Variants in RERE observed in about 807,000 individuals in gnomAD.
RERE encodes arginine-glutamic acid dipeptide repeats.
RERE carries 40 observed loss-of-function variants against 146.1 expected under a neutral mutation model. The ratio of observed to expected loss-of-function variants is 0.27; its 90% CI spans 0.21 to 0.36. The LOEUF is 0.36. Among genes scored for constraint, RERE ranks in the 10% least tolerant of loss-of-function variants. The pLI, the probability that RERE is intolerant of heterozygous loss-of-function variation, is 1.00. For missense variants in RERE, 1,933 were observed against 2,138.7 expected, an observed-to-expected ratio of 0.90 and a Z score of 1.90; for synonymous variants, 1,003 against 866.0, an observed-to-expected ratio of 1.16 and a Z score of -2.78.
chr1:8,382,509 TTGAC>T (rs1465810528), intron 12 of RERE, among the ~76,000 whole-genome samples: 5 of 152,222 alleles, frequency 3.3e-5, no homozygotes, highest in Non-Finnish European at 7.3e-5. Context: ...TGAACAAACA[TTGAC>T]TGTCTAGCCT....
intron 1 of RERE, among the ~76,000 whole-genome samples, chr1:8,712,640 ACG>A (rs1639691274): frequency 6.6e-6 from 1 of 152,166 alleles, no homozygotes; most frequent in South Asian, 2.1e-4. Context: ...ACAAACAGAG[ACG>A]CATTAAAAGC....
At chr1:8,636,389 C>T (rs1244625859) in intron 2 of RERE, among the ~76,000 whole-genome samples, 1 of 152,062 alleles carries the variant, frequency 6.6e-6, no homozygotes, top group Non-Finnish European at 1.5e-5. Flanking sequence ...ATTAAGAAGG[C>T]TGGGCATGGT....
chr1:8,507,572 C>G lies in RERE; in HGVS notation c.879+1055G>C, dbSNP rs184522490. ...TACATGCGCACACCACCATGACCAG[C>G]TAATTTTTCTATTTTTAGTAGGGAT... On this transcript the variant is annotated intron_variant, in intron 8 of 22. Coordinates refer to ENST00000400908, the MANE Select transcript of RERE (RefSeq NM_001042681.2). Among the ~76,000 whole-genome samples the G allele has an allele frequency of 2.0e-4, 31 of 151,864 alleles. 1 individual carries two copies. In the East Asian group the frequency reaches 5.8e-3, roughly 29 times the overall value.
rs749182064 is a variant in RERE at position 8,364,255 on chromosome 1, G to A, written c.1541C>T (p.Thr514Ile). The change falls in exon 15 of 23, where the codon ACC (threonine) becomes ATC (isoleucine). Residue 514 changes from threonine to isoleucine, a missense_variant and splice_region_variant. By Grantham distance (89) the Thr-to-Ile change is moderately conservative. Coordinates refer to ENST00000400908, the MANE Select transcript of RERE (RefSeq NM_001042681.2). The surrounding 1 kb of genome is among the most constrained non-coding windows in gnomAD (Gnocchi z 5.1). The part of the protein sequence containing the change: ...GYACRHCFTT[T>I]SKDWHHGGRE... ...GCCTCCGTGGTGCCAATCTTTGGAG[G>A]CTGTGTGAGGGAAGTGGTGGGGGCC... 7.4e-6 allele frequency: 12 copies of A among 1,613,892 alleles called. No homozygotes were observed. Among genetic ancestry groups the A allele is most frequent in the Admixed American group, 1.7e-5 (1 of 59,998 alleles).
intron 1 of RERE, among the ~76,000 whole-genome samples, chr1:8,748,594 T>C (rs981590796): frequency 9.2e-5 from 14 of 152,194 alleles, no homozygotes; most frequent in African/African-American, 3.4e-4. Flanking sequence ...TGTCAAGAGC[T>C]TTCTTCATCA....
chr1:8,534,021 A>G (rs1263446138), intron 7 of RERE, among the ~76,000 whole-genome samples: 1 of 152,212 alleles, frequency 6.6e-6, no homozygotes, highest in African/African-American at 2.4e-5. Context: ...GAGAATTCAA[A>G]TGTGATGGCA....
intron 1 of RERE, among the ~76,000 whole-genome samples, chr1:8,685,339 C>T (rs970279698): frequency 6.6e-6 from 1 of 152,198 alleles, no homozygotes; most frequent in African/African-American, 2.4e-5. Context: ...TAACAATTAT[C>T]ATTACTTCCT....
chr1:8,768,963 G>A (rs1024337046), intron 1 of RERE, among the ~76,000 whole-genome samples: 2 of 152,126 alleles, frequency 1.3e-5, no homozygotes, highest in South Asian at 2.1e-4. Flanking sequence ...GCAAACGGTG[G>A]CCCACAGGCC....
intron 1 of RERE, among the ~76,000 whole-genome samples, chr1:8,755,563 C>T (rs987892231): frequency 1.3e-5 from 2 of 152,094 alleles, no homozygotes; most frequent in African/African-American, 4.8e-5. Flanking sequence ...ATGGACAATC[C>T]ACCTCTGGGG....
chr1:8,640,913 G>C (rs980870107), intron 2 of RERE, among the ~76,000 whole-genome samples: 2 of 152,138 alleles, frequency 1.3e-5, no homozygotes, highest in Non-Finnish European at 2.9e-5. Context: ...TATTCACATA[G>C]CTCCAAAGTA....
chr1:8,708,381 G>A (rs1270544829), intron 1 of RERE, among the ~76,000 whole-genome samples: 1 of 152,128 alleles, frequency 6.6e-6, no homozygotes, highest in African/African-American at 2.4e-5. Flanking sequence ...CATGATCTCA[G>A]CTCACCGCAA....
chr1:8,514,651 C>T (rs1645388837), intron 7 of RERE, among the ~76,000 whole-genome samples: 2 of 151,868 alleles, frequency 1.3e-5, no homozygotes, highest in Non-Finnish European at 2.9e-5. Context: ...CTGCTTGAAC[C>T]CGGGAGGCAG....
At chr1:8,412,722 G>T (rs374267524) in intron 12 of RERE, among the ~76,000 whole-genome samples, 1 of 152,178 alleles carries the variant, frequency 6.6e-6, no homozygotes, top group African/African-American at 2.4e-5. Context: ...GATTTACTGC[G>T]CACAATAAAC....
In RERE at chr1:8,789,736, T is replaced by C. The variant is rs550210320; in HGVS notation, c.-145+27424A>G. The stretch of plus-strand genomic sequence containing the variant: ...TTCTGTACTTCAACCAGGTTCTCTT[T>C]ACTGAACGCTGCGCATACCATATGC... On this transcript the variant is annotated intron_variant, in intron 1 of 22. Coordinates refer to ENST00000400908, the MANE Select transcript of RERE (RefSeq NM_001042681.2). Among the ~76,000 whole-genome samples the C allele has an allele frequency of 2.6e-5, 4 of 152,274 alleles. No individual in the cohort carries two copies. The South Asian group carries it at 8.3e-4, about 32-fold the overall frequency.
intron 7 of RERE, among the ~76,000 whole-genome samples, chr1:8,531,755 C>T (rs920653953): frequency 1.3e-5 from 2 of 151,982 alleles, no homozygotes; most frequent in Non-Finnish European, 2.9e-5. Context: ...TCTAAGAGTC[C>T]CCTCCCCAAT....
chr1:8,703,700 C>T (rs1441560904), intron 1 of RERE, among the ~76,000 whole-genome samples: 2 of 152,218 alleles, frequency 1.3e-5, no homozygotes, highest in Non-Finnish European at 2.9e-5. Flanking sequence ...GGCAGCGCAT[C>T]CCTGTGAGTG....
chr1:8,637,928 A>G (rs996974520), intron 2 of RERE, among the ~76,000 whole-genome samples: 9 of 152,216 alleles, frequency 5.9e-5, no homozygotes, highest in African/African-American at 9.7e-5. Context: ...GCTGAAATAA[A>G]TTTATCGATA....
chr1:8,797,379 A>C (rs991790449), intron 1 of RERE, among the ~76,000 whole-genome samples: 3 of 148,252 alleles, frequency 2.0e-5, no homozygotes, highest in African/African-American at 7.4e-5. Flanking sequence ...CTCCGCCTAA[A>C]AAAAAAAAAA....
At chr1:8,431,970 T>G (rs975355636) in intron 11 of RERE, among the ~76,000 whole-genome samples, 5 of 152,278 alleles carry the variant, frequency 3.3e-5, no homozygotes, top group Non-Finnish European at 7.4e-5. Context: ...GAGTTTCCTG[T>G]TCGGCATGCT....
Sources: gnomAD v4.1 joint callset for allele counts (sites outside exome capture counted in the v4.1 genomes callset) on GRCh38, gnomAD v4.1.1 for gene constraint, Gnocchi (gnomAD v3.1) non-coding constraint, MANE v1.5 for transcripts, NCBI Gene and HGNC (gene_info 2026-07-23, HGNC 2026-07-21) for gene names.